COX6B1: variants seen among roughly 807,000 people sequenced by gnomAD.
COX6B1 encodes COX VIb-1.
Under a neutral mutation model 14.0 loss-of-function variants are expected in COX6B1, and 2 were observed. The observed-to-expected ratio is 0.14, with a 90% CI of 0.06 to 0.45. The LOEUF (loss-of-function observed/expected upper bound fraction) is 0.45. Among genes scored for constraint, COX6B1 ranks in the 20% least tolerant of loss-of-function variants. The pLI is 0.98. For synonymous variants in COX6B1, 30 were observed against 39.7 expected, an observed-to-expected ratio of 0.76 and a Z score of 0.92; for missense variants, 81 against 114.2, an observed-to-expected ratio of 0.71 and a Z score of 1.33.
chr19:35,650,831 A>G (rs959906452), intron 1 of COX6B1, among the ~76,000 whole-genome samples: 3 of 152,176 alleles, frequency 2.0e-5, no homozygotes, highest in African/African-American at 7.2e-5. Flanking sequence ...GCAGCCCACC[A>G]GTTATTTTTA....
intron 2 of COX6B1, among the ~76,000 whole-genome samples, chr19:35,651,627 A>T (rs571203143): frequency 3.3e-5 from 5 of 152,076 alleles, no homozygotes; most frequent in Admixed American, 6.6e-5. Context: ...GCTGGAGTGC[A>T]GTGGTGCAAT....
chr19:35,656,185 AT>A (rs1420580270), intron 3 of COX6B1, among the ~76,000 whole-genome samples: 14 of 152,338 alleles, frequency 9.2e-5, no homozygotes, highest in African/African-American at 3.4e-4. Flanking sequence ...ACATCTAGGG[AT>A]GCTACAAAAA....
intron 1 of COX6B1, among the ~76,000 whole-genome samples, chr19:35,649,479 A>AT (rs59460933): frequency 0.099 from 13,326 of 135,128 alleles, 1,195 homozygotes; most frequent in African/African-American, 0.24. Context: ...GCTAATTTTA[A>AT]TTTTTTTTTT....
rs544915817 is a variant in COX6B1, at chr19:35,648,371, T to C, written c.-44T>C. The C allele has an allele frequency of 1.3e-5, 2 of 156,974 alleles. No homozygotes were observed. The highest frequency in any genetic ancestry group is 2.4e-5 in the African/African-American group (1 of 41,552). The allele number at this position is 156,974 out of a possible 1,614,324, so 9.7% of individuals were successfully genotyped here. On this transcript the variant is annotated 5_prime_UTR_variant, in exon 1 of 4. Coordinates refer to ENST00000649813, the MANE Select transcript of COX6B1 (RefSeq NM_001863.5). ...TGTGGTGTCTTTGCTGAGGGTCACA[T>C]TGAGCTGCAGGTTGAATCCGGGGTG...
At chr19:35,654,499 C>A in intron 2 of COX6B1, 72 bp from the exon 3 acceptor site, 1 of 1,284,834 alleles carries the variant, frequency 7.8e-7, no homozygotes. Context: ...CAGATTGAGA[C>A]CCTACCTCAA....
intron 3 of COX6B1, among the ~76,000 whole-genome samples, chr19:35,655,753 C>T (rs1967881140): frequency 7.8e-6 from 1 of 127,844 alleles, no homozygotes; most frequent in Admixed American, 7.6e-5. Flanking sequence ...GCCACTGTGC[C>T]TGTCTCTCTC....
At chr19:35,656,308 A>G (rs1599623392) in intron 3 of COX6B1, among the ~76,000 whole-genome samples, 1 of 152,154 alleles carries the variant, frequency 6.6e-6, no homozygotes, top group East Asian at 1.9e-4. Flanking sequence ...ATGGTGATCT[A>G]CATGCTAGCA....
intron 1 of COX6B1, chr19:35,648,634 A>G (rs1967788072): frequency 2.8e-6 from 1 of 350,882 alleles, no homozygotes; most frequent in Non-Finnish European, 5.7e-6. Context: ...CACCAGCCCT[A>G]TGAGATAGGG....
intron 3 of COX6B1, 104 bp from the exon 4 acceptor site, chr19:35,658,490 C>A (rs1967911385): frequency 6.2e-6 from 6 of 966,650 alleles, no homozygotes; most frequent in Non-Finnish European, 9.9e-6. Flanking sequence ...ACAGCAGGTA[C>A]CTGTGGATAT....
chr19:35,649,837 G>T (rs1967805477), intron 1 of COX6B1, among the ~76,000 whole-genome samples: 1 of 151,884 alleles, frequency 6.6e-6, no homozygotes, highest in Non-Finnish European at 1.5e-5. Context: ...GCCCAGGCTG[G>T]TCTTGAACTC....
rs1449447728 is a variant in COX6B1 at position 35,651,284 on chromosome 19, C to G, written c.41C>G (p.Thr14Ser). The G allele has an allele frequency of 6.2e-7, 1 of 1,614,144 alleles. No homozygotes were observed. Among genetic ancestry groups the G allele is most frequent in the Non-Finnish European group, 8.5e-7 (1 of 1,179,998 alleles). Residue 14 changes from threonine (T) to serine (S), a missense_variant, in exon 2 of 4, where the codon ACC becomes AGC. Physicochemically the swap from Thr to Ser is moderately conservative, Grantham distance 58. Coordinates refer to ENST00000649813, the MANE Select transcript of COX6B1 (RefSeq NM_001863.5). Reference sequence around the variant, plus strand: ...GAGACCAAAATCAAGAACTACAAGACCGCCCCTTTTGACAGCCGCTTCCCC... The same window carrying G: ...GAGACCAAAATCAAGAACTACAAGAGCGCCCCTTTTGACAGCCGCTTCCCC... ...DMETKIKNYK[T>S]APFDSRFPNQ...
At chr19:35,656,182 G>A (rs1477820006) in intron 3 of COX6B1, among the ~76,000 whole-genome samples, 1 of 152,116 alleles carries the variant, frequency 6.6e-6, no homozygotes, top group African/African-American at 2.4e-5. Flanking sequence ...TCCACATCTA[G>A]GGATGCTACA....
At chr19:35,651,102 A>G (rs1874114806) in intron 1 of COX6B1, 131 bp from the exon 2 acceptor site, 4 of 702,130 alleles carry the variant, frequency 5.7e-6, no homozygotes, top group East Asian at 2.7e-5. Context: ...ATCTCTGTGT[A>G]TGTTGAGAGG....
At chr19:35,653,719 T>C (rs2146371643) in intron 2 of COX6B1, among the ~76,000 whole-genome samples, 1 of 152,070 alleles carries the variant, frequency 6.6e-6, no homozygotes, top group African/African-American at 2.4e-5. Flanking sequence ...TAGCTGGGAC[T>C]ACAGGTGCCC....
chr19:35,654,265 G>A (rs1967862976), intron 2 of COX6B1, among the ~76,000 whole-genome samples: 1 of 151,958 alleles, frequency 6.6e-6, no homozygotes, highest in African/African-American at 2.4e-5. Flanking sequence ...GCTCACGCCT[G>A]TAATCCTAGC....
chr19:35,655,920 T>A (rs948558626), intron 3 of COX6B1, among the ~76,000 whole-genome samples: 2 of 151,996 alleles, frequency 1.3e-5, no homozygotes, highest in Non-Finnish European at 2.9e-5. Flanking sequence ...TGCAGTAGCA[T>A]GATCTCAGCT....
intron 2 of COX6B1, among the ~76,000 whole-genome samples, chr19:35,653,826 C>A (rs1226103309): frequency 6.6e-6 from 1 of 152,126 alleles, no homozygotes; most frequent in Non-Finnish European, 1.5e-5. Flanking sequence ...CCTCGGCCTC[C>A]CAAAGTGCTG....
At chr19:35,654,120 T>C (rs146421084) in intron 2 of COX6B1, among the ~76,000 whole-genome samples, 1 of 152,268 alleles carries the variant, frequency 6.6e-6, no homozygotes, top group Non-Finnish European at 1.5e-5. Context: ...GGCATATAGC[T>C]TGCTCATTTT....
chr19:35,653,203 G>C (rs528748992), intron 2 of COX6B1, among the ~76,000 whole-genome samples: 1 of 150,448 alleles, frequency 6.6e-6, no homozygotes, highest in South Asian at 2.1e-4. Flanking sequence ...TTAAACTCCT[G>C]ACCTCGTGAT....
Sources: gnomAD v4.1 joint callset for allele counts (sites outside exome capture counted in the v4.1 genomes callset) on GRCh38, gnomAD v4.1.1 for gene constraint, MANE v1.5 for transcripts, NCBI Gene and HGNC (gene_info 2026-07-23, HGNC 2026-07-21) for gene names.